The following RERE variants were observed in gnomAD, a reference collection of about 807,000 sequenced individuals.
RERE encodes the protein arginine-glutamic acid dipeptide repeats.
Under a neutral mutation model 146.1 loss-of-function variants are expected in RERE, and 40 were observed. That is an observed-to-expected ratio of 0.27 (90% CI 0.21 to 0.36). The LOEUF is 0.36. Ranked by LOEUF, RERE falls within the 10% of genes least tolerant of loss-of-function variation. The pLI, the probability that RERE is intolerant of heterozygous loss-of-function variation, is 1.00. For missense variants in RERE, 1,933 were observed against 2,138.7 expected (o/e 0.90, Z 1.90); for synonymous variants, 1,003 against 866.0 (o/e 1.16, Z -2.78).
chr1:8,724,346 A>G (rs1639917106), intron 1 of RERE, among the ~76,000 whole-genome samples: 1 of 152,200 alleles, frequency 6.6e-6, no homozygotes, highest in South Asian at 2.1e-4. Flanking sequence ...GTATATTTCA[A>G]GATACAGAGA....
intron 12 of RERE, among the ~76,000 whole-genome samples, chr1:8,368,901 C>CA (rs60362841): frequency 0.039 from 5,396 of 137,164 alleles, 135 homozygotes; most frequent in Middle Eastern, 0.13. Context: ...TCCCCCACCT[C>CA]AAAAAAAAAA....
intron 6 of RERE, among the ~76,000 whole-genome samples, chr1:8,552,498 A>C (rs541686235): frequency 3.0e-4 from 46 of 152,140 alleles, no homozygotes; most frequent in South Asian, 2.1e-3. Context: ...TTTTATTTGT[A>C]TCTCTCTCAA....
intron 2 of RERE, among the ~76,000 whole-genome samples, chr1:8,629,639 T>C (rs1453048376): frequency 2.0e-5 from 3 of 152,168 alleles, no homozygotes; most frequent in African/African-American, 7.2e-5. Flanking sequence ...CCTGTCAGCA[T>C]CTTTTCTGAC....
At chr1:8,601,731 A>C (rs1646631543) in intron 4 of RERE, among the ~76,000 whole-genome samples, 1 of 110,600 alleles carries the variant, frequency 9.0e-6, no homozygotes, top group Non-Finnish European at 1.8e-5. Context: ...ATCATGTCCA[A>C]GGTCAACACA....
intron 2 of RERE, among the ~76,000 whole-genome samples, chr1:8,640,560 A>G (rs1205601223): frequency 6.6e-6 from 1 of 152,234 alleles, no homozygotes; most frequent in Non-Finnish European, 1.5e-5. Context: ...TAAATGAGTG[A>G]ACAGTGGTGG....
Position 8,710,772 on chromosome 1 carries a change from C to T in RERE, c.-144-54331G>A, listed in dbSNP as rs572580698. Among the ~76,000 whole-genome samples, 161 of 152,264 alleles carry T rather than the reference C, an allele frequency of 1.1e-3. 1 individual carries two copies. The highest frequency in any genetic ancestry group is 2.0e-3 in the Non-Finnish European group (135 of 68,010). ...CCTCTTGATCCGCCTGCCTCAGCCT[C>T]CCAAAGTGCTGGGATTACAGGCGTG... On this transcript the variant is annotated intron_variant, in intron 1 of 22. Coordinates refer to ENST00000400908, the MANE Select transcript of RERE (RefSeq NM_001042681.2).
chr1:8,360,502 G>T lies in RERE; in HGVS notation c.3005C>A (p.Ala1002Asp). 7.3e-7 allele frequency: 1 copy of T among 1,377,666 alleles called. No homozygotes were observed. 85.3% of individuals were successfully genotyped at this position (1,377,666 alleles called of 1,614,324 possible). A position where few individuals can be genotyped will look rare whatever the true frequency, so the allele number is the denominator to read the frequency against. Residue 1002 changes from alanine (A) to aspartate (D), a missense_variant, in exon 18 of 23, where the codon GCC becomes GAC. Coordinates refer to ENST00000400908, the MANE Select transcript of RERE (RefSeq NM_001042681.2). Reference protein sequence around the residue: ...PQSQPLPSSPAQPPGLTQSQN... With the variant: ...PQSQPLPSSPDQPPGLTQSQN... Reference sequence around the variant, plus strand: ...GCTCTGGGTCAGCCCGGGGGGCTGGGCGGGCGAGGAGGGCAATGGCTGGCT... The same window carrying T: ...GCTCTGGGTCAGCCCGGGGGGCTGGTCGGGCGAGGAGGGCAATGGCTGGCT...
intron 4 of RERE, among the ~76,000 whole-genome samples, chr1:8,578,359 A>T (rs1283835338): frequency 1.3e-5 from 2 of 152,144 alleles, no homozygotes; most frequent in African/African-American, 4.8e-5. Flanking sequence ...TGGTATTATA[A>T]ATCACACACA....
At chr1:8,497,877 G>A (rs1200961368) in intron 8 of RERE, among the ~76,000 whole-genome samples, 1 of 152,092 alleles carries the variant, frequency 6.6e-6, no homozygotes, top group Non-Finnish European at 1.5e-5. Flanking sequence ...TGATAAAGAA[G>A]GAAACACACA....
chr1:8,559,346 T>C (rs1387465026), intron 4 of RERE, among the ~76,000 whole-genome samples: 2 of 101,438 alleles, frequency 2.0e-5, no homozygotes, highest in African/African-American at 7.5e-5. Context: ...ATAACATAAA[T>C]ACCAAGATTC....
intron 2 of RERE, among the ~76,000 whole-genome samples, chr1:8,631,417 A>G (rs1225594716): frequency 2.0e-5 from 3 of 152,230 alleles, no homozygotes; most frequent in African/African-American, 7.2e-5. Flanking sequence ...AAAATAAAAA[A>G]TAACAGTGAT....
intron 4 of RERE, among the ~76,000 whole-genome samples, chr1:8,597,863 C>G (rs1027300433): frequency 6.6e-6 from 1 of 152,010 alleles, no homozygotes; most frequent in Non-Finnish European, 1.5e-5. Flanking sequence ...CAACCAACTG[C>G]CTGGTATTCA....
At chr1:8,385,100 T>C (rs1642591250) in intron 12 of RERE, among the ~76,000 whole-genome samples, 1 of 152,228 alleles carries the variant, frequency 6.6e-6, no homozygotes, top group Admixed American at 6.5e-5. Context: ...GAGTCAAGCA[T>C]GGCCTTGGGT....
chr1:8,574,302 T>C (rs996286413), intron 4 of RERE, among the ~76,000 whole-genome samples: 1 of 151,134 alleles, frequency 6.6e-6, no homozygotes, highest in Non-Finnish European at 1.5e-5. Flanking sequence ...ATGATTTCAA[T>C]GCTCTGAAAT....
chr1:8,592,292 G>T (rs564263667), intron 4 of RERE, among the ~76,000 whole-genome samples: 4 of 151,630 alleles, frequency 2.6e-5, no homozygotes, highest in African/African-American at 9.7e-5. Context: ...TAAAGACACC[G>T]TCTCTGTCTG....
intron 1 of RERE, among the ~76,000 whole-genome samples, chr1:8,677,068 C>T (rs972457177): frequency 2.0e-5 from 3 of 152,154 alleles, no homozygotes; most frequent in Non-Finnish European, 4.4e-5. Flanking sequence ...TTTGCTCATG[C>T]GTCCTTGCCA....
chr1:8,387,763 A>T (rs577970906), intron 12 of RERE, among the ~76,000 whole-genome samples: 32 of 152,356 alleles, frequency 2.1e-4, no homozygotes, highest in Admixed American at 1.6e-3. Context: ...TAATGTTGGT[A>T]AGCATTTTAA....
At chr1:8,667,802 T>A (rs917012608) in intron 1 of RERE, among the ~76,000 whole-genome samples, 2 of 152,272 alleles carry the variant, frequency 1.3e-5, no homozygotes, top group African/African-American at 4.8e-5. Context: ...CCAACAGTTG[T>A]GTCTCTTCTA....
chr1:8,649,086 AT>A (rs1397568250), intron 2 of RERE, among the ~76,000 whole-genome samples: 1 of 152,212 alleles, frequency 6.6e-6, no homozygotes, highest in Non-Finnish European at 1.5e-5. Flanking sequence ...AAAGAAATTA[AT>A]ATGCCACCTA....
Sources: gnomAD v4.1 joint callset for allele counts (sites outside exome capture counted in the v4.1 genomes callset) on GRCh38, gnomAD v4.1.1 for gene constraint, MANE v1.5 for transcripts, NCBI Gene and HGNC (gene_info 2026-07-23, HGNC 2026-07-21) for gene names.